The following WBP4 variants were observed in gnomAD, a reference collection of about 807,000 sequenced individuals.
The protein encoded by WBP4 is WW domain-binding protein 4.
A neutral mutation model predicts 55.4 loss-of-function variants in WBP4; 37 were observed. The observed-to-expected ratio is 0.67, with a 90% CI of 0.51 to 0.88. The LOEUF (loss-of-function observed/expected upper bound fraction) is 0.88. WBP4 is among the 40% of genes least tolerant of loss of function. The pLI is 0.00. For missense variants in WBP4, 398 were observed against 420.8 expected (o/e 0.95, Z 0.47); for synonymous variants, 142 against 140.2 (o/e 1.01, Z -0.09).
intron 5 of WBP4, among the ~76,000 whole-genome samples, chr13:41,069,611 G>A (rs964784834): frequency 7.3e-5 from 11 of 150,748 alleles, no homozygotes; most frequent in African/African-American, 2.2e-4. Context: ...GCAGTGAGCC[G>A]AGATTGGGCC....
Position 41,080,778 on chromosome 13 carries a change from T to G in WBP4, c.889T>G (p.Trp297Gly). Reference protein sequence around the residue: ...TLKKSNPYGEWQEIKQEVESH... With the variant: ...TLKKSNPYGEGQEIKQEVESH... Reference sequence around the variant, plus strand: ...TAAGAAATCAAACCCATATGGAGAATGGCAAGAAATTAAACAAGAGGTTGA... The same window carrying G: ...TAAGAAATCAAACCCATATGGAGAAGGGCAAGAAATTAAACAAGAGGTTGA... The change falls in exon 9 of 10, where the codon TGG becomes GGG. Residue 297 changes from tryptophan (W) to glycine (G), a missense_variant. Coordinates refer to ENST00000379487, the MANE Select transcript of WBP4 (RefSeq NM_007187.5). 6.2e-7 allele frequency: 1 copy of G among 1,606,996 alleles called. No homozygotes were observed. The highest frequency in any genetic ancestry group is 8.5e-7 in the Non-Finnish European group (1 of 1,178,476).
In WBP4 at chr13:41,067,676, A is replaced by AG. The variant is rs146367233; in HGVS notation, c.263-884dup. On this transcript the variant is annotated intron_variant, in intron 4 of 9. Transcript: ENST00000379487. ...TGCACTCCAGCCTGGACAACATAAG[A>AG]GAAAAAAAAGTAAATGTTAATTATC... 3.1e-3 allele frequency among the ~76,000 whole-genome samples: 471 copies of AG among 152,312 alleles called. 2 individuals carry two copies. The highest frequency in any genetic ancestry group is 0.011 in the African/African-American group (447 of 41,556).
chr13:41,081,839 T>C lies in WBP4; in HGVS notation c.921-865T>C, dbSNP rs59437404. Among the ~76,000 whole-genome samples, 1,142 of 152,322 alleles carry C rather than the reference T, an allele frequency of 7.5e-3. 32 individuals are homozygous for C. The highest frequency in any genetic ancestry group is 0.056 in the East Asian group (292 of 5,180). ...AAAAAGAAAAAATCCTTGGAATAGA[T>C]TGCCTTCTGCAGAGCTCCATTCTCC... is the stretch of plus-strand genomic sequence containing the variant. On this transcript the variant is annotated intron_variant, in intron 9 of 9. Coordinates refer to ENST00000379487, the MANE Select transcript of WBP4 (RefSeq NM_007187.5).
chr13:41,073,586 G>A (rs1278253474), intron 7 of WBP4, among the ~76,000 whole-genome samples: 4 of 151,676 alleles, frequency 2.6e-5, no homozygotes, highest in African/African-American at 4.8e-5. Context: ...AGGCCAAGGC[G>A]GGCAGATCAT....
Position 41,061,608 on chromosome 13 carries a change from C to T in WBP4, c.-66C>T, listed in dbSNP as rs1054558596. 30 of 1,613,396 alleles carry T rather than the reference C, an allele frequency of 1.9e-5. No individual in the cohort carries two copies. Among genetic ancestry groups the T allele is most frequent in the South Asian group, 8.8e-5 (8 of 91,020 alleles). ...ATCGGGCGGCTGGAAGAGCTCGACT[C>T]GTCCCGCTGGGAAAGCGCGAGTCTG... On this transcript the variant is annotated 5_prime_UTR_variant, in exon 1 of 10. Transcript: ENST00000379487.
chr13:41,069,878 C>CAA (rs1178697602), intron 5 of WBP4, among the ~76,000 whole-genome samples: 2 of 75,590 alleles, frequency 2.6e-5, no homozygotes, highest in East Asian at 7.2e-4. Context: ...AAGTCCATCT[C>CAA]AAAAAAAAAA....
chr13:41,074,181 T>G (rs570695267), intron 7 of WBP4, among the ~76,000 whole-genome samples: 32 of 152,274 alleles, frequency 2.1e-4, no homozygotes, highest in African/African-American at 7.5e-4. Flanking sequence ...TCCGCCCGCC[T>G]CGGCCTCCCA....
chr13:41,065,259 G>A lies in WBP4; in HGVS notation c.234G>A (p.Glu78=). 7 of 1,567,868 alleles carry A rather than the reference G, an allele frequency of 4.5e-6. No homozygotes were observed. The highest frequency in any genetic ancestry group is 1.4e-5 in the African/African-American group (1 of 70,394). The part of the protein sequence containing the change: ...MEAAALKAYQ[E]DLKRLGLESE... ...CAGCTGCCCTGAAAGCATACCAAGA[G>A]GATTTGAAAAGACTTGGCTTAGAGT... Residue 78 remains glutamate, a synonymous_variant, in exon 4 of 10, where the codon GAG becomes GAA. Transcript: ENST00000379487.
intron 6 of WBP4, among the ~76,000 whole-genome samples, chr13:41,071,950 A>G (rs1009732247): frequency 7.4e-5 from 10 of 135,440 alleles, no homozygotes; most frequent in African/African-American, 2.3e-4. Context: ...AGGCTGAGTC[A>G]GGGGAATCAC....
intron 7 of WBP4, 25 bp from the exon 8 acceptor site, chr13:41,076,014 AATAAC>A: frequency 6.3e-7 from 1 of 1,594,956 alleles, no homozygotes; most frequent in Non-Finnish European, 8.5e-7. Context: ...TTAATAACTA[AATAAC>A]ATGACTTTAA....
chr13:41,074,323 G>A (rs1292632674), intron 7 of WBP4, among the ~76,000 whole-genome samples: 8 of 152,140 alleles, frequency 5.3e-5, no homozygotes, highest in African/African-American at 1.9e-4. Flanking sequence ...CTTTAGGAGA[G>A]GCTTGTTTTT....
chr13:41,061,727 C>T (rs904675837), intron 1 of WBP4, 52 bp downstream of exon 1: 1 of 1,611,900 alleles, frequency 6.2e-7, no homozygotes, highest in South Asian at 1.1e-5. Flanking sequence ...TCTGGGCCGC[C>T]CTTTCTCGCC....
intron 9 of WBP4, among the ~76,000 whole-genome samples, chr13:41,081,374 C>T (rs952420871): frequency 3.3e-5 from 5 of 150,884 alleles, no homozygotes; most frequent in South Asian, 4.2e-4. Flanking sequence ...TGGCACACAT[C>T]ATGTTCCCAG....
At chr13:41,062,238 C>T in intron 1 of WBP4, 2 of 980,704 alleles carry the variant, frequency 2.0e-6, no homozygotes, top group Non-Finnish European at 2.4e-6. Flanking sequence ...CCAGAGTAGT[C>T]TTGTACGTTG....
chr13:41,065,070 A>G lies in WBP4; in HGVS notation c.130A>G (p.Ile44Val). ...KNHKENVAKR[I>V]SEIKQKSLDK... Reference sequence around the variant, plus strand: ...TCATAAGGAAAATGTGGCAAAAAGGATCAGTGAGGTAATTTAGATTGTTTA... The same window carrying G: ...TCATAAGGAAAATGTGGCAAAAAGGGTCAGTGAGGTAATTTAGATTGTTTA... Residue 44 changes from isoleucine (I) to valine (V), a missense_variant, in exon 3 of 10, where the codon ATC becomes GTC. Ile to Val is a conservative substitution (Grantham distance 29). Coordinates refer to ENST00000379487, the MANE Select transcript of WBP4 (RefSeq NM_007187.5). 3.7e-6 allele frequency: 6 copies of G among 1,600,152 alleles called. No homozygotes were observed. The highest frequency in any genetic ancestry group is 5.1e-6 in the Non-Finnish European group (6 of 1,176,610).
At chr13:41,073,703 G>T (rs1269802219) in intron 7 of WBP4, among the ~76,000 whole-genome samples, 1 of 151,914 alleles carries the variant, frequency 6.6e-6, no homozygotes, top group Non-Finnish European at 1.5e-5. Flanking sequence ...AGCTACTCAG[G>T]AGGCTGAGGC....
In WBP4 at chr13:41,065,246, A is replaced by G; in HGVS notation, c.221A>G (p.Lys74Arg). 7 of 1,611,870 alleles carry G rather than the reference A, an allele frequency of 4.3e-6. No individual in the cohort carries two copies. Among genetic ancestry groups the G allele is most frequent in the Non-Finnish European group, 5.9e-6 (7 of 1,179,314 alleles). Residue 74 changes from lysine (K) to arginine (R), a missense_variant, in exon 4 of 10, where the codon AAA (lysine) becomes AGA (arginine). Transcript: ENST00000379487. The stretch of plus-strand genomic sequence containing the variant: ...GCTGCAATGGAGGCAGCTGCCCTGA[A>G]AGCATACCAAGAGGATTTGAAAAGA... ...EFAAMEAAALKAYQEDLKRLG... is the reference protein window; with the variant it reads ...EFAAMEAAALRAYQEDLKRLG...
chr13:41,080,496 G>T, intron 8 of WBP4, 150 bp from the exon 9 acceptor site: 3 of 619,808 alleles, frequency 4.8e-6, no homozygotes, highest in Non-Finnish European at 5.4e-6. Flanking sequence ...AAGCAGTAAA[G>T]TTCTATGTAT....
intron 2 of WBP4, among the ~76,000 whole-genome samples, chr13:41,063,364 A>T (rs1877796547): frequency 6.6e-6 from 1 of 152,214 alleles, no homozygotes; most frequent in Admixed American, 6.5e-5. Context: ...TACCGTTTTT[A>T]CTTGGCAAAG....
Sources: allele counts gnomAD v4.1 joint callset (sites outside exome capture counted in the v4.1 genomes callset), GRCh38; gene constraint gnomAD v4.1.1; transcripts MANE v1.5; gene names NCBI Gene and HGNC (gene_info 2026-07-23, HGNC 2026-07-21).